The following FRMD6 variants were observed in gnomAD, a reference collection of about 807,000 sequenced individuals.
FRMD6 encodes FERM domain containing 6.
A neutral mutation model predicts 73.2 loss-of-function variants in FRMD6; 37 were observed. That is an observed-to-expected ratio of 0.51 (90% CI 0.39 to 0.66). The LOEUF (loss-of-function observed/expected upper bound fraction) is 0.66. Ranked by LOEUF, FRMD6 falls within the 30% of genes least tolerant of loss-of-function variation. The pLI is 0.00. For synonymous variants in FRMD6, 273 were observed against 282.2 expected (o/e 0.97, Z 0.33); for missense variants, 714 against 780.5 (o/e 0.91, Z 1.02).
intron 1 of FRMD6, among the ~76,000 whole-genome samples, chr14:51,533,035 A>G (rs1005399828): frequency 1.3e-5 from 2 of 152,182 alleles, no homozygotes; most frequent in African/African-American, 4.8e-5. Context: ...AGTCCAGAAA[A>G]TGTTATGTCC....
intron 1 of FRMD6, among the ~76,000 whole-genome samples, chr14:51,509,468 A>T (rs1884165322): frequency 6.6e-6 from 1 of 151,580 alleles, no homozygotes; most frequent in Non-Finnish European, 1.5e-5. Flanking sequence ...CGGAGCTTGC[A>T]GTGAGCGGAG....
At chr14:51,583,599 CT>C (rs1486673064) in intron 2 of FRMD6, among the ~76,000 whole-genome samples, 1 of 152,198 alleles carries the variant, frequency 6.6e-6, no homozygotes, top group Non-Finnish European at 1.5e-5. Flanking sequence ...AGTAGCCACT[CT>C]TACAATCCAT....
the FRMD6 span, among the ~76,000 whole-genome samples, chr14:51,447,770 A>C: frequency 6.6e-6 from 1 of 152,234 alleles, no homozygotes; most frequent in Admixed American, 6.5e-5. Flanking sequence ...AATCCTACTC[A>C]CATCTGTTCC....
chr14:51,706,153 C>T (rs1379647239), intron 6 of FRMD6, among the ~76,000 whole-genome samples: 1 of 152,080 alleles, frequency 6.6e-6, no homozygotes, highest in African/African-American at 2.4e-5. Flanking sequence ...CTGTCCTGTC[C>T]CATCAACTGT....
chr14:51,502,169 G>T (rs890185378), intron 1 of FRMD6, among the ~76,000 whole-genome samples: 5 of 152,088 alleles, frequency 3.3e-5, no homozygotes, highest in Non-Finnish European at 1.5e-5. Flanking sequence ...TCTGATTATA[G>T]TTTATTTTGC....
At chr14:51,417,407 A>G in the FRMD6 span, among the ~76,000 whole-genome samples, 1 of 152,152 alleles carries the variant, frequency 6.6e-6, no homozygotes, top group East Asian at 1.9e-4. Context: ...TCCTTCACTT[A>G]TGAAGCTTAG....
At chr14:51,482,902 C>G in the FRMD6 span, among the ~76,000 whole-genome samples, 1 of 151,964 alleles carries the variant, frequency 6.6e-6, no homozygotes, top group East Asian at 1.9e-4. Context: ...GGGGGTTTCA[C>G]TATGTCGGCC....
At chr14:51,698,366 T>C in intron 3 of FRMD6, 134 bp downstream of exon 3, 1 of 475,392 alleles carries the variant, frequency 2.1e-6, no homozygotes, top group Non-Finnish European at 3.7e-6. Context: ...GATTTTCATT[T>C]TTAGTGTAGG....
upstream of FRMD6, chr14:51,650,524 T>A (rs1469849896): frequency 6.7e-6 from 1 of 148,956 alleles, no homozygotes; most frequent in Non-Finnish European, 1.5e-5. Context: ...GCCTCCCAAG[T>A]AGCTGGGACT....
At chr14:51,523,585 T>G (rs1885065882) in intron 1 of FRMD6, among the ~76,000 whole-genome samples, 1 of 152,230 alleles carries the variant, frequency 6.6e-6, no homozygotes, top group African/African-American at 2.4e-5. Flanking sequence ...TGTATGCTGC[T>G]TGGCTGTCTG....
chr14:51,689,174 T>C (rs1365282285), intron 1 of FRMD6, among the ~76,000 whole-genome samples: 3 of 152,208 alleles, frequency 2.0e-5, no homozygotes, highest in African/African-American at 7.2e-5. Flanking sequence ...TCAATTAAAG[T>C]GATGGCCTAG....
the FRMD6 span, among the ~76,000 whole-genome samples, chr14:51,442,827 A>G: frequency 6.6e-6 from 1 of 152,242 alleles, no homozygotes; most frequent in East Asian, 1.9e-4. Context: ...CCATTTTGGT[A>G]CAAAACATGT....
upstream of FRMD6, among the ~76,000 whole-genome samples, chr14:51,648,100 C>G (rs918801413): frequency 6.6e-6 from 1 of 152,198 alleles, no homozygotes; most frequent in Non-Finnish European, 1.5e-5. Flanking sequence ...GCTGGGATTA[C>G]AGGCATGAGC....
At chr14:51,614,561 T>C (rs1200379892) in intron 2 of FRMD6, among the ~76,000 whole-genome samples, 1 of 152,222 alleles carries the variant, frequency 6.6e-6, no homozygotes, top group Non-Finnish European at 1.5e-5. Context: ...GAATTTTTAA[T>C]TGTTTTTTGT....
At chr14:51,529,481 A>C (rs949591152) in intron 1 of FRMD6, among the ~76,000 whole-genome samples, 13 of 152,208 alleles carry the variant, frequency 8.5e-5, no homozygotes, top group African/African-American at 2.7e-4. Flanking sequence ...AGAGAGAGAG[A>C]GAGCGAGCAC....
At chr14:51,622,645 G>A (rs552628619) in intron 2 of FRMD6, among the ~76,000 whole-genome samples, 21 of 152,294 alleles carry the variant, frequency 1.4e-4, no homozygotes, top group African/African-American at 4.8e-4. Flanking sequence ...CATACAGAGT[G>A]CCTGCTGAAG....
At chr14:51,670,843 C>T (rs946165783) in intron 1 of FRMD6, among the ~76,000 whole-genome samples, 27 of 152,162 alleles carry the variant, frequency 1.8e-4, no homozygotes, top group African/African-American at 6.0e-4. Flanking sequence ...GATGGGGTTT[C>T]GTCATGTTGG....
intron 1 of FRMD6, among the ~76,000 whole-genome samples, chr14:51,664,380 C>G (rs1215557310): frequency 6.6e-6 from 1 of 152,100 alleles, no homozygotes; most frequent in African/African-American, 2.4e-5. Context: ...TGGGAACTAC[C>G]TTTGAATTTT....
At chr14:51,429,388 C>G in the FRMD6 span, among the ~76,000 whole-genome samples, 4 of 151,530 alleles carry the variant, frequency 2.6e-5, no homozygotes, top group Non-Finnish European at 2.9e-5. Flanking sequence ...TGCAACCCAG[C>G]CGTTCAAAAA....
Sources: gnomAD v4.1 joint callset for allele counts (sites outside exome capture counted in the v4.1 genomes callset) on GRCh38, gnomAD v4.1.1 for gene constraint, MANE v1.5 for transcripts, NCBI Gene and HGNC (gene_info 2026-07-23, HGNC 2026-07-21) for gene names.